Variants in MARS1 observed in about 807,000 individuals in gnomAD.
MARS1 encodes the protein methionyl-tRNA synthetase 1.
A neutral mutation model predicts 119.5 loss-of-function variants in MARS1; 80 were observed. That is an observed-to-expected ratio of 0.67 (90% CI 0.56 to 0.81). The LOEUF is 0.81. MARS1 is among the 30% of genes least tolerant of loss of function. MARS1 has a pLI of 0.00. For missense variants in MARS1, 945 were observed against 1,116.5 expected (o/e 0.85, Z 2.19); for synonymous variants, 418 against 433.4 (o/e 0.96, Z 0.44).
intron 11 of MARS1, among the ~76,000 whole-genome samples, chr12:57,506,826 C>T (rs1565647614): frequency 6.6e-6 from 1 of 151,700 alleles, no homozygotes; most frequent in Non-Finnish European, 1.5e-5. Flanking sequence ...CAGGCACATA[C>T]CACCATGCCT....
intron 10 of MARS1, among the ~76,000 whole-genome samples, chr12:57,503,782 C>T (rs1877050070): frequency 6.6e-6 from 1 of 152,100 alleles, no homozygotes; most frequent in Non-Finnish European, 1.5e-5. Flanking sequence ...CCTCATGATC[C>T]GCCTGCCTCG....
intron 19 of MARS1, 23 bp from the exon 20 acceptor site, chr12:57,516,222 G>A (rs1877816332): frequency 6.2e-6 from 10 of 1,606,972 alleles, no homozygotes; most frequent in Non-Finnish European, 7.7e-6. Flanking sequence ...ATGGTTGCTG[G>A]TGATAACTTT....
chr12:57,507,333 T>A (rs1161696995), intron 11 of MARS1, among the ~76,000 whole-genome samples: 1 of 147,402 alleles, frequency 6.8e-6, no homozygotes, highest in Non-Finnish European at 1.5e-5. Flanking sequence ...AAACCGCCAT[T>A]GTCATCATGG....
rs746193539 is a variant in MARS1 at position 57,498,300 on chromosome 12, C to T, written c.887+27C>T. 2.5e-6 allele frequency: 4 copies of T among 1,603,364 alleles called. No homozygotes were observed. The East Asian group carries it at 8.9e-5, about 36-fold the overall frequency. ...TGGAGCCAGCTGCTCGGGGAGAGACCTCCTAAGGGAAGGGCGGGTCCCAGG... is the reference window on the plus strand; with the variant it reads ...TGGAGCCAGCTGCTCGGGGAGAGACTTCCTAAGGGAAGGGCGGGTCCCAGG... On this transcript the variant is annotated intron_variant, in intron 8 of 20. Coordinates refer to ENST00000262027, the MANE Select transcript of MARS1 (RefSeq NM_004990.4).
chr12:57,488,474 C>T, intron 1 of MARS1: 1 of 1,269,392 alleles, frequency 7.9e-7, no homozygotes, highest in Admixed American at 2.1e-5. Flanking sequence ...CTCTTCCCTT[C>T]CCAACCTTCT....
intron 10 of MARS1, among the ~76,000 whole-genome samples, chr12:57,503,459 C>G (rs1352502666): frequency 6.6e-6 from 1 of 152,028 alleles, no homozygotes; most frequent in Non-Finnish European, 1.5e-5. Context: ...ATTTGAACTC[C>G]TGACCTCAGG....
Position 57,503,028 on chromosome 12 carries a change from A to AAAC in MARS1, c.1294-1173_1294-1171dup, listed in dbSNP as rs199629182. Among the ~76,000 whole-genome samples the AAAC allele has an allele frequency of 3.2e-3, 492 of 151,832 alleles. 4 individuals are homozygous for AAAC. The highest frequency in any genetic ancestry group is 0.028 in the East Asian group (146 of 5,170). On this transcript the variant is annotated intron_variant, in intron 10 of 20. Transcript: ENST00000262027. ...GCAACAGAGTGAGACTTCGTCTCAA[A>AAAC]AACAACAACAACAACAACAACAACA...
chr12:57,509,665 C>T (rs746289619), intron 11 of MARS1, among the ~76,000 whole-genome samples: 24 of 151,948 alleles, frequency 1.6e-4, no homozygotes, highest in Non-Finnish European at 3.5e-4. Flanking sequence ...CTGCCTTGGC[C>T]TCCCGAAGTG....
At chr12:57,496,041 G>A (rs1278636095) in intron 7 of MARS1, among the ~76,000 whole-genome samples, 1 of 152,132 alleles carries the variant, frequency 6.6e-6, no homozygotes, top group African/African-American at 2.4e-5. Flanking sequence ...GCAATTTTTT[G>A]TATTTTTAGT....
intron 10 of MARS1, among the ~76,000 whole-genome samples, chr12:57,503,483 T>G (rs1877029512): frequency 1.3e-5 from 2 of 152,018 alleles, no homozygotes; most frequent in Non-Finnish European, 2.9e-5. Flanking sequence ...TCCACCTGCC[T>G]CAGCCTCCCA....
Position 57,514,753 on chromosome 12 carries a change from C to T in MARS1, c.2001C>T (p.Gly667=). The T allele has an allele frequency of 6.2e-7, 1 of 1,614,198 alleles. No individual in the cohort carries two copies. The highest frequency in any genetic ancestry group is 8.5e-7 in the Non-Finnish European group (1 of 1,180,032). Residue 667 remains glycine (G), a synonymous_variant, in exon 16 of 21, where the codon GGC becomes GGT. Transcript: ENST00000262027. ...TGTTTGTGTCTAAGTTCTTTGGGGG[C>T]TATGTGCCTGAGATGGTGCTCACCC... The part of the protein sequence containing the change: ...AGMFVSKFFG[G]YVPEMVLTPD...
chr12:57,499,908 A>G (rs984071457), intron 9 of MARS1, among the ~76,000 whole-genome samples: 4 of 152,122 alleles, frequency 2.6e-5, no homozygotes, highest in African/African-American at 9.7e-5. Flanking sequence ...CAAAACAAAC[A>G]AAAAAACCCC....
intron 9 of MARS1, 147 bp downstream of exon 9, chr12:57,498,770 C>G: frequency 1.4e-6 from 1 of 731,916 alleles, no homozygotes; most frequent in Non-Finnish European, 2.3e-6. Context: ...GTTATCCAGG[C>G]ATTTTTGAGG....
At position 57,511,789 on chromosome 12, in the gene MARS1, G is replaced by A. The variant is rs901699325; in HGVS notation, c.1460G>A (p.Arg487Gln). 1.9e-6 allele frequency: 3 copies of A among 1,614,022 alleles called. No individual in the cohort carries two copies. Among genetic ancestry groups the A allele is most frequent in the Non-Finnish European group, 2.5e-6 (3 of 1,180,034 alleles). Residue 487 changes from arginine to glutamine, a missense_variant, in exon 12 of 21, where the codon CGG (arginine) becomes CAG (glutamine). Coordinates refer to ENST00000262027, the MANE Select transcript of MARS1 (RefSeq NM_004990.4). ...CAGTTTATCACCCGTTCTTGGCTTCGGGATGGCCTCAAGCCACGCTGCATA... is the reference window on the plus strand; with the variant it reads ...CAGTTTATCACCCGTTCTTGGCTTCAGGATGGCCTCAAGCCACGCTGCATA... ...NAQFITRSWL[R>Q]DGLKPRCITR...
chr12:57,490,000 T>C (rs1160242092), intron 5 of MARS1, 29 bp downstream of exon 5: 3 of 1,602,360 alleles, frequency 1.9e-6, no homozygotes, highest in Non-Finnish European at 2.6e-6. Flanking sequence ...ACTCCAACCC[T>C]AGGAGCTTGG....
At chr12:57,493,097 G>A (rs1444218279) in intron 7 of MARS1, among the ~76,000 whole-genome samples, 1 of 150,852 alleles carries the variant, frequency 6.6e-6, no homozygotes, top group Non-Finnish European at 1.5e-5. Flanking sequence ...TCAATTTCTG[G>A]GAGGTCCCAT....
At position 57,495,172 on chromosome 12, in the gene MARS1, G is replaced by T. The variant is rs1277219883; in HGVS notation, c.771-2985G>T. Among the ~76,000 whole-genome samples the T allele has an allele frequency of 5.6e-4, 85 of 150,572 alleles. No individual in the cohort carries two copies. In the Middle Eastern group the frequency reaches 0.01, roughly 19 times the overall value. ...CCGGATGGGGTGGCTGCCGGGCGGGGGCTGCCCCCCACCTCCCGGATGGGG... is the reference window on the plus strand; with the variant it reads ...CCGGATGGGGTGGCTGCCGGGCGGGTGCTGCCCCCCACCTCCCGGATGGGG... On this transcript the variant is annotated intron_variant, in intron 7 of 20. Coordinates refer to ENST00000262027, the MANE Select transcript of MARS1 (RefSeq NM_004990.4).
At position 57,498,164 on chromosome 12, in the gene MARS1, G is replaced by A; in HGVS notation, c.778G>A (p.Val260Met). 1 of 1,613,086 alleles carries A rather than the reference G, an allele frequency of 6.2e-7. No homozygotes were observed. Among genetic ancestry groups the A allele is most frequent in the African/African-American group, 1.3e-5 (1 of 75,006 alleles). The change falls in exon 8 of 21, where the codon GTG (valine) becomes ATG (methionine). Residue 260 changes from valine (V) to methionine (M), a missense_variant. Coordinates refer to ENST00000262027, the MANE Select transcript of MARS1 (RefSeq NM_004990.4). Reference protein sequence around the residue: ...LRPQQNPVLPVAGERNVLITS... With the variant: ...LRPQQNPVLPMAGERNVLITS... ...TTCCTCTTTCCTTACTAGGTTGCCTGTGGCTGGAGAAAGGAATGTGCTCAT... is the reference window on the plus strand; with the variant it reads ...TTCCTCTTTCCTTACTAGGTTGCCTATGGCTGGAGAAAGGAATGTGCTCAT...
intron 7 of MARS1, among the ~76,000 whole-genome samples, chr12:57,495,424 C>G (rs1234727891): frequency 1.3e-5 from 2 of 151,086 alleles, no homozygotes; most frequent in Admixed American, 1.3e-4. Context: ...CAGAGGCGCT[C>G]CCCACATCTC....
Sources: allele counts gnomAD v4.1 joint callset (sites outside exome capture counted in the v4.1 genomes callset), GRCh38; gene constraint gnomAD v4.1.1; transcripts MANE v1.5; gene names NCBI Gene and HGNC (gene_info 2026-07-23, HGNC 2026-07-21).